HNF4G: variants seen among roughly 807,000 people sequenced by gnomAD.
HNF4G encodes hepatocyte nuclear factor 4-gamma.
Under a neutral mutation model 50.9 loss-of-function variants are expected in HNF4G, and 21 were observed. The ratio of observed to expected loss-of-function variants is 0.41; its 90% CI spans 0.29 to 0.59. The LOEUF (loss-of-function observed/expected upper bound fraction) is 0.59, where lower values mean the gene tolerates loss of function less well. Ranked by LOEUF, HNF4G falls within the 20% of genes least tolerant of loss-of-function variation. HNF4G has a pLI of 0.26. For synonymous variants in HNF4G, 198 were observed against 185.6 expected (o/e 1.07, Z -0.54); for missense variants, 527 against 559.4 (o/e 0.94, Z 0.58).
rs1206861751 is a variant in HNF4G at position 75,558,968 on chromosome 8, C to G, written c.1054C>G (p.Gln352Glu). 1.2e-6 allele frequency: 2 copies of G among 1,613,858 alleles called. No homozygotes were observed. ...GAGCATCACGTGGCAAATGATTGAGCAAATACAGTTTGTTAAACTTTTTGG... is the reference window on the plus strand; with the variant it reads ...GAGCATCACGTGGCAAATGATTGAGGAAATACAGTTTGTTAAACTTTTTGG... Reference protein sequence around the residue: ...LQSITWQMIEQIQFVKLFGMV... With the variant: ...LQSITWQMIEEIQFVKLFGMV... Residue 352 changes from glutamine (Q) to glutamate (E), a missense_variant, in exon 8 of 10, where the codon CAA (glutamine) becomes GAA (glutamate). Physicochemically the swap from Gln to Glu is conservative, Grantham distance 29. Coordinates refer to ENST00000396423, the MANE Select transcript of HNF4G (RefSeq NM_004133.5).
intron 2 of HNF4G, among the ~76,000 whole-genome samples, chr8:75,544,883 T>A (rs60776999): frequency 0.011 from 1,702 of 152,136 alleles, 41 homozygotes; most frequent in African/African-American, 0.039. Flanking sequence ...TGGGAAGAGG[T>A]TAACTTTCTC....
chr8:75,440,990 G>T (rs532182973), intron 1 of HNF4G, among the ~76,000 whole-genome samples: 4 of 152,132 alleles, frequency 2.6e-5, no homozygotes, highest in Non-Finnish European at 5.9e-5. Flanking sequence ...GAGTAGCTGG[G>T]ATTACAGGCA....
At chr8:75,553,347 T>C in intron 5 of HNF4G, 150 bp downstream of exon 5, 1 of 639,460 alleles carries the variant, frequency 1.6e-6, no homozygotes, top group Admixed American at 3.2e-5. Flanking sequence ...TCCTTACCCA[T>C]TCACCTTGTT....
chr8:75,452,485 C>T (rs951499210), intron 1 of HNF4G, among the ~76,000 whole-genome samples: 4 of 152,140 alleles, frequency 2.6e-5, no homozygotes, highest in Admixed American at 1.3e-4. Flanking sequence ...TTTGGGAGCC[C>T]GAAGCGGGGG....
At chr8:75,442,997 C>A (rs1811323468) in intron 1 of HNF4G, among the ~76,000 whole-genome samples, 1 of 152,114 alleles carries the variant, frequency 6.6e-6, no homozygotes, top group African/African-American at 2.4e-5. Flanking sequence ...GTGCTGAAAT[C>A]TTAATTCTCA....
At chr8:75,553,588 T>G (rs2977942) in intron 5 of HNF4G, among the ~76,000 whole-genome samples, 14,186 of 152,082 alleles carry the variant, frequency 0.093, 929 homozygotes, top group African/African-American at 0.18. Flanking sequence ...AGCTGCTATA[T>G]AAAACTCCTC....
chr8:75,495,691 C>T (rs940391667), intron 2 of HNF4G, among the ~76,000 whole-genome samples: 1 of 151,976 alleles, frequency 6.6e-6, no homozygotes, highest in Admixed American at 6.6e-5. Context: ...GCCCGTCCCA[C>T]CAGGCCTGGC....
chr8:75,429,824 T>C (rs533663804), intron 1 of HNF4G, among the ~76,000 whole-genome samples: 42 of 152,234 alleles, frequency 2.8e-4, no homozygotes, highest in African/African-American at 9.6e-4. Flanking sequence ...TCTGACAGTA[T>C]GGTAGACTGA....
At position 75,437,634 on chromosome 8, in the gene HNF4G, C is replaced by T. The variant is rs1206993380; in HGVS notation, c.-144+29472C>T. ...AGGGTGCAGTGAGCCGAGATCACGC[C>T]ACTGCACTGCAGCCTGGCAACAGAG... On this transcript the variant is annotated intron_variant, in intron 1 of 10. Transcript: ENST00000354370. Among the ~76,000 whole-genome samples the T allele has an allele frequency of 2.0e-5, 3 of 151,986 alleles. No individual in the cohort carries two copies. The East Asian group carries it at 5.8e-4, about 29-fold the overall frequency.
At chr8:75,549,907 A>G (rs1025397682) in intron 3 of HNF4G, among the ~76,000 whole-genome samples, 2 of 151,872 alleles carry the variant, frequency 1.3e-5, no homozygotes, top group East Asian at 1.9e-4. Context: ...ATGATTTCCA[A>G]TTTCATCCAT....
chr8:75,541,289 C>T (rs1426377511), intron 1 of HNF4G, among the ~76,000 whole-genome samples: 1 of 152,014 alleles, frequency 6.6e-6, no homozygotes, highest in African/African-American at 2.4e-5. Flanking sequence ...TATGGTGTAA[C>T]TTGTTTGTTT....
intron 2 of HNF4G, among the ~76,000 whole-genome samples, chr8:75,531,681 TAATAA>T (rs1806328482): frequency 6.6e-6 from 1 of 151,830 alleles, no homozygotes; most frequent in African/African-American, 2.4e-5. Flanking sequence ...AAATGAAAAA[TAATAA>T]AATAATACAA....
At chr8:75,438,533 C>T (rs1811195209) in intron 1 of HNF4G, among the ~76,000 whole-genome samples, 2 of 151,740 alleles carry the variant, frequency 1.3e-5, no homozygotes. Context: ...TCTCAATCTC[C>T]CTCCCTCTTT....
intron 1 of HNF4G, among the ~76,000 whole-genome samples, chr8:75,456,425 T>C (rs144064248): frequency 6.6e-6 from 1 of 152,284 alleles, no homozygotes; most frequent in South Asian, 2.1e-4. Flanking sequence ...AAATCCCTTT[T>C]TTATCTTCCT....
At chr8:75,454,448 G>T (rs1205139087) in intron 1 of HNF4G, among the ~76,000 whole-genome samples, 1 of 152,172 alleles carries the variant, frequency 6.6e-6, no homozygotes, top group Non-Finnish European at 1.5e-5. Context: ...TGAATGGTGT[G>T]TCTGGTACTT....
chr8:75,431,601 T>A (rs556524107), intron 1 of HNF4G, among the ~76,000 whole-genome samples: 1 of 152,294 alleles, frequency 6.6e-6, no homozygotes, highest in Non-Finnish European at 1.5e-5. Context: ...ATCCCACTTC[T>A]GTTGTTTATA....
intron 2 of HNF4G, among the ~76,000 whole-genome samples, chr8:75,518,545 G>A (rs533556098): frequency 1.4e-4 from 22 of 151,996 alleles, no homozygotes; most frequent in Middle Eastern, 3.4e-3. Flanking sequence ...TGTTTATTGC[G>A]GCACTAAACC....
At chr8:75,428,564 C>T (rs1440742484) in intron 1 of HNF4G, among the ~76,000 whole-genome samples, 1 of 152,024 alleles carries the variant, frequency 6.6e-6, no homozygotes, top group African/African-American at 2.4e-5. Context: ...GCAGAAAGAG[C>T]TTCACTGAGA....
intron 1 of HNF4G, among the ~76,000 whole-genome samples, chr8:75,425,162 T>G (rs1356716362): frequency 2.0e-5 from 3 of 151,246 alleles, no homozygotes; most frequent in African/African-American, 4.9e-5. Context: ...CTCGGCTCAC[T>G]GCAACTTTGT....
Sources: gnomAD v4.1 joint callset for allele counts (sites outside exome capture counted in the v4.1 genomes callset) on GRCh38, gnomAD v4.1.1 for gene constraint, MANE v1.5 for transcripts, NCBI Gene and HGNC (gene_info 2026-07-23, HGNC 2026-07-21) for gene names.